Variants in UBE2K observed in about 807,000 individuals in gnomAD.
The protein encoded by UBE2K is ubiquitin conjugating enzyme E2 K, also known as ubiquitin-conjugating enzyme E2 K.
A neutral mutation model predicts 30.0 loss-of-function variants in UBE2K; 6 were observed. The observed-to-expected ratio is 0.20, with a 90% confidence interval of 0.11 to 0.39. The LOEUF is 0.39. UBE2K is among the 10% of genes least tolerant of loss of function. The probability of loss-of-function intolerance (pLI) is 1.00; values close to 1 mark genes in which losing one functional copy is unlikely to be tolerated. For synonymous variants in UBE2K, 86 were observed against 83.7 expected, an observed-to-expected ratio of 1.03 and a Z score of -0.15; for missense variants, 61 against 241.6, an observed-to-expected ratio of 0.25 and a Z score of 4.96.
At chr4:39,759,502 T>C (rs1181693832) in intron 4 of UBE2K, among the ~76,000 whole-genome samples, 4 of 152,220 alleles carry the variant, frequency 2.6e-5, no homozygotes, top group African/African-American at 9.6e-5. Flanking sequence ...CAGGCTGGTC[T>C]CAAACTCCTG....
chr4:39,771,285 T>C, intron 4 of UBE2K: 1 of 1,611,904 alleles, frequency 6.2e-7, no homozygotes, highest in South Asian at 1.1e-5. Flanking sequence ...AGCAGGCGGC[T>C]AAGATGACCT....
intron 5 of UBE2K, among the ~76,000 whole-genome samples, chr4:39,775,758 C>T (rs1261578590): frequency 6.6e-6 from 1 of 152,120 alleles, no homozygotes; most frequent in African/African-American, 2.4e-5. Context: ...TCTCAAAAAA[C>T]AAATTTGCCA....
At chr4:39,771,503 C>T (rs1390112157) in intron 4 of UBE2K, 7 of 1,457,566 alleles carry the variant, frequency 4.8e-6, no homozygotes, top group Non-Finnish European at 6.3e-6. Context: ...CTATTTTCCC[C>T]ACCCCCGCGG....
intron 4 of UBE2K, among the ~76,000 whole-genome samples, chr4:39,764,496 G>A (rs1204180089): frequency 6.6e-6 from 1 of 150,774 alleles, no homozygotes; most frequent in African/African-American, 2.4e-5. Flanking sequence ...CTAGGCTGGA[G>A]TGCAGTGACA....
chr4:39,702,932 T>C (rs1179601046), intron 1 of UBE2K, among the ~76,000 whole-genome samples: 4 of 152,048 alleles, frequency 2.6e-5, no homozygotes, highest in Non-Finnish European at 1.5e-5. Flanking sequence ...CCCCACTATC[T>C]CTTCTTGCTG....
At chr4:39,756,013 AT>A (rs1342121452) in intron 4 of UBE2K, among the ~76,000 whole-genome samples, 2 of 152,206 alleles carry the variant, frequency 1.3e-5, no homozygotes, top group African/African-American at 4.8e-5. Flanking sequence ...ATTCTTTGCT[AT>A]CTTAAGAAGA....
chr4:39,703,125 G>C (rs958038231), intron 1 of UBE2K, among the ~76,000 whole-genome samples: 5 of 152,090 alleles, frequency 3.3e-5, no homozygotes, highest in African/African-American at 1.2e-4. Context: ...CGAGTAGCTT[G>C]GATTACAGGC....
intron 4 of UBE2K, among the ~76,000 whole-genome samples, chr4:39,757,227 T>C (rs923221357): frequency 2.0e-5 from 3 of 152,106 alleles, no homozygotes; most frequent in Non-Finnish European, 4.4e-5. Context: ...GGTTTCACCA[T>C]GTTGGCCAGG....
chr4:39,753,225 A>G (rs1376146763), intron 3 of UBE2K, among the ~76,000 whole-genome samples: 4 of 152,182 alleles, frequency 2.6e-5, no homozygotes, highest in East Asian at 1.9e-4. Flanking sequence ...CCCCAACACT[A>G]TTAGAAATAA....
At chr4:39,740,941 G>A (rs549552173) in intron 2 of UBE2K, among the ~76,000 whole-genome samples, 6 of 148,930 alleles carry the variant, frequency 4.0e-5, no homozygotes, top group Non-Finnish European at 7.4e-5. Flanking sequence ...TCTTTTTCCC[G>A]ATACCGAGAA....
At chr4:39,759,465 G>T (rs1711739936) in intron 4 of UBE2K, among the ~76,000 whole-genome samples, 1 of 152,020 alleles carries the variant, frequency 6.6e-6, no homozygotes, top group African/African-American at 2.4e-5. Context: ...TCTATTTTTA[G>T]TAGAGACAGG....
At chr4:39,770,578 C>A in intron 4 of UBE2K, 1 of 1,582,752 alleles carries the variant, frequency 6.3e-7, no homozygotes, top group Non-Finnish European at 8.6e-7. Context: ...GAGGTGGCCC[C>A]CACGCTGGCC....
chr4:39,705,202 T>G (rs567040860), intron 1 of UBE2K, among the ~76,000 whole-genome samples: 1 of 141,966 alleles, frequency 7.0e-6, no homozygotes, highest in East Asian at 2.1e-4. Flanking sequence ...GGGTTTTTTT[T>G]TTTTTTTTTT....
At chr4:39,740,004 G>C (rs1720606639) in intron 2 of UBE2K, among the ~76,000 whole-genome samples, 1 of 151,998 alleles carries the variant, frequency 6.6e-6, no homozygotes, top group Admixed American at 6.6e-5. Context: ...TGCTTGGCTT[G>C]GTCTGGCAGT....
At chr4:39,707,918 GACA>G (rs1718457194) in intron 1 of UBE2K, among the ~76,000 whole-genome samples, 1 of 150,492 alleles carries the variant, frequency 6.6e-6, no homozygotes, top group Admixed American at 6.6e-5. Context: ...TTTTTTCTGA[GACA>G]GTTTTGCTCT....
At chr4:39,776,553 G>A (rs531105143) in intron 5 of UBE2K, among the ~76,000 whole-genome samples, 2 of 152,156 alleles carry the variant, frequency 1.3e-5, no homozygotes, top group South Asian at 4.2e-4. Context: ...TCAAACTCAT[G>A]CTTTTTCAAG....
At chr4:39,772,691 C>CTTT (rs372017743) in intron 4 of UBE2K, among the ~76,000 whole-genome samples, 3 of 145,592 alleles carry the variant, frequency 2.1e-5, no homozygotes, top group African/African-American at 7.6e-5. Flanking sequence ...GATAAAGCAA[C>CTTT]TTTTTTTTTT....
Position 39,779,469 on chromosome 4 carries a change from T to C in UBE2K, c.*1035T>C, listed in dbSNP as rs879934612. The C allele has an allele frequency of 6.6e-6, 1 of 152,618 alleles. No homozygotes were observed. The highest frequency in any genetic ancestry group is 1.5e-5 in the Non-Finnish European group (1 of 68,034). 9.5% of individuals were successfully genotyped at this position (152,618 alleles called of 1,614,324 possible). ...GTCATTCTTGCTTGCACTTCCCCTA[T>C]TGACACATGAAAGCTGTGTTGGTGT... On this transcript the variant is annotated 3_prime_UTR_variant, in exon 7 of 7. Coordinates refer to ENST00000261427, the MANE Select transcript of UBE2K (RefSeq NM_005339.5).
At chr4:39,746,395 T>G (rs552884157) in intron 3 of UBE2K, among the ~76,000 whole-genome samples, 1 of 152,310 alleles carries the variant, frequency 6.6e-6, no homozygotes, top group Admixed American at 6.5e-5. Context: ...ACCACTTTCT[T>G]TATGTCTCTG....
Sources: gnomAD v4.1 joint callset for allele counts (sites outside exome capture counted in the v4.1 genomes callset) on GRCh38, gnomAD v4.1.1 for gene constraint, MANE v1.5 for transcripts, NCBI Gene and HGNC (gene_info 2026-07-23, HGNC 2026-07-21) for gene names.